The following ADAM12 variants were observed in gnomAD, a reference collection of about 807,000 sequenced individuals.
ADAM12 encodes the protein disintegrin and metalloproteinase domain-containing protein 12.
In ADAM12, 70 loss-of-function variants were observed where a neutral mutation model predicts 106.4. That is an observed-to-expected ratio of 0.66 (90% CI 0.54 to 0.80). The LOEUF is 0.80. Among genes scored for constraint, ADAM12 ranks in the 30% least tolerant of loss-of-function variants. ADAM12 has a pLI of 0.00. For synonymous variants in ADAM12, 420 were observed against 433.5 expected (o/e 0.97, Z 0.39); for missense variants, 1,010 against 1,171.9 (o/e 0.86, Z 2.02).
chr10:126,332,690 G>A (rs936070823), intron 1 of ADAM12, among the ~76,000 whole-genome samples: 6 of 152,264 alleles, frequency 3.9e-5, no homozygotes, highest in South Asian at 4.1e-4. Flanking sequence ...CACGAGGATC[G>A]ACAGCAGTAG....
chr10:126,253,158 C>G (rs1958819152), intron 3 of ADAM12, among the ~76,000 whole-genome samples: 1 of 152,194 alleles, frequency 6.6e-6, no homozygotes. Flanking sequence ...CCAAACCCAC[C>G]CTTCCCTGAA....
At chr10:126,041,126 C>T (rs900088137) in intron 18 of ADAM12, among the ~76,000 whole-genome samples, 1 of 152,176 alleles carries the variant, frequency 6.6e-6, no homozygotes, top group African/African-American at 2.4e-5. Flanking sequence ...GCTCCCCTCC[C>T]ATGATGCCCT....
chr10:126,224,176 CAG>C (rs1288670459), intron 3 of ADAM12, among the ~76,000 whole-genome samples: 1 of 151,846 alleles, frequency 6.6e-6, no homozygotes, highest in Non-Finnish European at 1.5e-5. Flanking sequence ...CAGGGGAGCC[CAG>C]AGAGGGCCTG....
intron 18 of ADAM12, among the ~76,000 whole-genome samples, chr10:126,042,483 A>C (rs140491571): frequency 6.6e-6 from 1 of 152,302 alleles, no homozygotes; most frequent in Non-Finnish European, 1.5e-5. Context: ...GGTATGTGAG[A>C]AAAGAATCAT....
At chr10:126,088,603 G>A (rs1240609246) in intron 11 of ADAM12, among the ~76,000 whole-genome samples, 3 of 151,730 alleles carry the variant, frequency 2.0e-5, no homozygotes, top group African/African-American at 4.9e-5. Context: ...CCAGCTACTC[G>A]GGAGGCTGAG....
intron 3 of ADAM12, among the ~76,000 whole-genome samples, chr10:126,233,209 C>T (rs944474500): frequency 2.6e-5 from 4 of 152,132 alleles, no homozygotes; most frequent in African/African-American, 9.7e-5. Context: ...ACCCGGAGGG[C>T]ACCAGCATTT....
At chr10:126,377,159 T>C (rs531667042) in intron 1 of ADAM12, among the ~76,000 whole-genome samples, 32 of 152,304 alleles carry the variant, frequency 2.1e-4, no homozygotes, top group African/African-American at 7.2e-4. Context: ...GTGGCAGAGC[T>C]GATCTGCAAA....
chr10:126,232,795 T>C (rs966922859), intron 3 of ADAM12, among the ~76,000 whole-genome samples: 2 of 152,048 alleles, frequency 1.3e-5, no homozygotes, highest in African/African-American at 4.8e-5. Context: ...CAGGTGAAAA[T>C]GATGAGGGTT....
At chr10:126,297,416 G>T (rs1237156804) in intron 2 of ADAM12, among the ~76,000 whole-genome samples, 1 of 152,164 alleles carries the variant, frequency 6.6e-6, no homozygotes, top group Non-Finnish European at 1.5e-5. Flanking sequence ...AGGCTTGGTG[G>T]CATGTGTCTA....
At chr10:126,032,762 G>A (rs1044229604) in intron 21 of ADAM12, among the ~76,000 whole-genome samples, 5 of 152,046 alleles carry the variant, frequency 3.3e-5, no homozygotes, top group African/African-American at 9.7e-5. Flanking sequence ...TCAAGTCCAC[G>A]GACCAGAAAA....
At chr10:126,378,761 T>C (rs570406344) in intron 1 of ADAM12, among the ~76,000 whole-genome samples, 3 of 152,306 alleles carry the variant, frequency 2.0e-5, no homozygotes, top group Non-Finnish European at 2.9e-5. Flanking sequence ...GGCAAAAATA[T>C]GGGTGTATAA....
chr10:126,115,219 A>G (rs1955958280), intron 6 of ADAM12, among the ~76,000 whole-genome samples: 1 of 152,226 alleles, frequency 6.6e-6, no homozygotes, highest in South Asian at 2.1e-4. Flanking sequence ...GATAATCCCT[A>G]AAGAAAAGGC....
chr10:126,049,615 G>A lies in ADAM12; in HGVS notation c.1664C>T (p.Pro555Leu). 1 of 1,614,154 alleles carries A rather than the reference G, an allele frequency of 6.2e-7. No homozygotes were observed. The highest frequency in any genetic ancestry group is 1.1e-5 in the South Asian group (1 of 91,084). ...CGAGACTTTGCCACAGTTGCCATAA[G>A]GATCACCTGCAGAATTGACTCTCTC... is the stretch of plus-strand genomic sequence containing the variant. ...CFERVNSAGD[P>L]YGNCGKVSKS... is the part of the protein sequence containing the mutation. The change falls in exon 15 of 23, where the codon CCT becomes CTT. Residue 555 changes from proline to leucine, a missense_variant. Coordinates refer to ENST00000448723, the MANE Select transcript of ADAM12 (RefSeq NM_001288973.2). The surrounding 1 kb of genome is among the most constrained non-coding windows in gnomAD (Gnocchi z 4.4).
In ADAM12 at chr10:126,368,105, ATATAAG is replaced by A. The variant is rs1174711606; in HGVS notation, c.88+19947_88+19952del. Among the ~76,000 whole-genome samples, 8 of 151,932 alleles carry A rather than the reference ATATAAG, an allele frequency of 5.3e-5. No individual in the cohort carries two copies. The East Asian group carries it at 5.8e-4, about 11-fold the overall frequency. On this transcript the variant is annotated intron_variant, in intron 1 of 22. Transcript: ENST00000448723. ...TGTGTGTATATATATAAACGTGTGC[ATATAAG>A]TATATGTATGCATGTGTGTATATAT...
At chr10:126,338,345 C>T (rs372506388) in intron 1 of ADAM12, among the ~76,000 whole-genome samples, 15 of 149,208 alleles carry the variant, frequency 1.0e-4, no homozygotes, top group South Asian at 6.4e-4. Context: ...CTCCGCCTCC[C>T]GGGTTCCCGC....
chr10:126,222,026 C>T (rs1246355433), intron 3 of ADAM12, among the ~76,000 whole-genome samples: 2 of 152,186 alleles, frequency 1.3e-5, no homozygotes, highest in Admixed American at 6.5e-5. Context: ...CTCCAGATGG[C>T]TGTCTCCTGA....
intron 3 of ADAM12, among the ~76,000 whole-genome samples, chr10:126,235,548 G>T (rs1958397524): frequency 6.6e-6 from 1 of 152,136 alleles, no homozygotes; most frequent in South Asian, 2.1e-4. Context: ...GAGCGTGCCT[G>T]CATCTGTGAG....
Position 126,361,819 on chromosome 10 carries a change from C to A in ADAM12, c.88+26239G>T, listed in dbSNP as rs1004737756. On this transcript the variant is annotated intron_variant, in intron 1 of 22. Coordinates refer to ENST00000448723, the MANE Select transcript of ADAM12 (RefSeq NM_001288973.2). ...TGGATTAAAGATTTAAATATAAAATCTGAAACTAGATTGCTAGAAGGAAAC... is the reference window on the plus strand; with the variant it reads ...TGGATTAAAGATTTAAATATAAAATATGAAACTAGATTGCTAGAAGGAAAC... Among the ~76,000 whole-genome samples, 8 of 152,194 alleles carry A rather than the reference C, an allele frequency of 5.3e-5. No individual in the cohort carries two copies. In the East Asian group the frequency reaches 1.5e-3, roughly 29 times the overall value.
At chr10:126,144,846 G>T (rs1409142553) in intron 4 of ADAM12, among the ~76,000 whole-genome samples, 1 of 152,158 alleles carries the variant, frequency 6.6e-6, no homozygotes, top group Non-Finnish European at 1.5e-5. Flanking sequence ...CCAAAGCCCC[G>T]ACTGAGTGCC....
Sources: gnomAD v4.1 joint callset for allele counts (sites outside exome capture counted in the v4.1 genomes callset) on GRCh38, gnomAD v4.1.1 for gene constraint, Gnocchi (gnomAD v3.1) non-coding constraint, MANE v1.5 for transcripts, NCBI Gene and HGNC (gene_info 2026-07-23, HGNC 2026-07-21) for gene names.